The following EPM2A variants were observed in gnomAD, a reference collection of about 807,000 sequenced individuals.
EPM2A encodes the protein EPM2A glucan phosphatase, laforin, also known as laforin.
A neutral mutation model predicts 26.5 loss-of-function variants in EPM2A; 21 were observed. That is an observed-to-expected ratio of 0.79 (90% CI 0.56 to 1.14). The LOEUF (loss-of-function observed/expected upper bound fraction) is 1.14, where lower values mean the gene tolerates loss of function less well. Ranked by LOEUF, EPM2A falls within the 50% of genes most tolerant of loss-of-function variation. The probability of loss-of-function intolerance (pLI) is 0.00; values close to 1 mark genes in which losing one functional copy is unlikely to be tolerated. For synonymous variants in EPM2A, 217 were observed against 177.6 expected, an observed-to-expected ratio of 1.22 and a Z score of -1.76; for missense variants, 458 against 440.8, an observed-to-expected ratio of 1.04 and a Z score of -0.35.
chr6:145,384,062 T>C (rs759311279), exon 5 of EPM2A: 5 of 151,894 alleles, frequency 3.3e-5, no homozygotes, highest in African/African-American at 4.8e-5. Context: ...TGTATGTTTG[T>C]CTTTGTCCAT....
intron 2 of EPM2A, among the ~76,000 whole-genome samples, chr6:145,614,063 T>C (rs545899815): frequency 6.6e-5 from 10 of 152,324 alleles, no homozygotes; most frequent in African/African-American, 2.2e-4. Flanking sequence ...TGTTGTTTAG[T>C]GTACCTGCCT....
intron 4 of EPM2A, among the ~76,000 whole-genome samples, chr6:145,461,938 G>T (rs1235011065): frequency 6.6e-6 from 1 of 152,160 alleles, no homozygotes; most frequent in Non-Finnish European, 1.5e-5. Flanking sequence ...AAGGAATTGG[G>T]ACATGGTACT....
chr6:145,478,955 CT>C (rs1779578922), intron 4 of EPM2A, among the ~76,000 whole-genome samples: 2 of 151,502 alleles, frequency 1.3e-5, no homozygotes, highest in African/African-American at 4.8e-5. Context: ...TCACTATGTA[CT>C]TTTCGCTTGA....
At chr6:145,543,907 C>T (rs1002061490) in intron 2 of EPM2A, among the ~76,000 whole-genome samples, 1 of 152,160 alleles carries the variant, frequency 6.6e-6, no homozygotes, top group Non-Finnish European at 1.5e-5. Flanking sequence ...GAACATTGAA[C>T]GTGGGGAGCC....
chr6:145,660,454 C>T (rs1582990145), intron 2 of EPM2A, among the ~76,000 whole-genome samples: 1 of 152,262 alleles, frequency 6.6e-6, no homozygotes, highest in East Asian at 1.9e-4. Flanking sequence ...GACACTAAGC[C>T]TTGTTTAACT....
At chr6:145,623,376 G>GA (rs1434486074), downstream of EPM2A, among the ~76,000 whole-genome samples, 3 of 152,324 alleles carry the variant, frequency 2.0e-5, no homozygotes, top group Admixed American at 6.5e-5. Context: ...ATCACTGAAG[G>GA]AGGGAGAAGA....
intron 2 of EPM2A, among the ~76,000 whole-genome samples, chr6:145,564,390 G>T (rs1780851171): frequency 6.6e-6 from 1 of 152,156 alleles, no homozygotes; most frequent in Non-Finnish European, 1.5e-5. Flanking sequence ...TTATGAATTA[G>T]GCAGCATTCA....
At chr6:145,710,629 C>T (rs1349978456) in intron 1 of EPM2A, among the ~76,000 whole-genome samples, 2 of 151,968 alleles carry the variant, frequency 1.3e-5, no homozygotes, top group African/African-American at 2.4e-5. Flanking sequence ...GGGTATATAC[C>T]CAAAGGATTA....
intron 2 of EPM2A, among the ~76,000 whole-genome samples, chr6:145,593,244 G>C (rs1285407769): frequency 6.6e-6 from 1 of 152,082 alleles, no homozygotes; most frequent in African/African-American, 2.4e-5. Context: ...TATTCTCCAA[G>C]AAGACATGAC....
At chr6:145,704,207 T>C (rs1782089033) in intron 1 of EPM2A, among the ~76,000 whole-genome samples, 1 of 152,130 alleles carries the variant, frequency 6.6e-6, no homozygotes, top group Non-Finnish European at 1.5e-5. Flanking sequence ...AAATGAATGG[T>C]AGTGGTTTAT....
At position 145,430,704 on chromosome 6, in the gene EPM2A, T is replaced by C. The variant is rs756921807; in HGVS notation, c.556-46607A>G. On this transcript the variant is annotated intron_variant, in intron 4 of 4. Transcript: ENST00000638717. ...AAAATTTCTTGTTTATTTAATTCCATCTGTCTGATATCTGAGATTAGGTTT... is the reference window on the plus strand; with the variant it reads ...AAAATTTCTTGTTTATTTAATTCCACCTGTCTGATATCTGAGATTAGGTTT... 2.6e-5 allele frequency among the ~76,000 whole-genome samples: 4 copies of C among 152,262 alleles called. 1 individual carries two copies. The highest frequency in any genetic ancestry group is 4.1e-4 in the South Asian group (2 of 4,820).
chr6:145,676,933 G>A (rs1346314918), intron 2 of EPM2A, among the ~76,000 whole-genome samples: 1 of 152,078 alleles, frequency 6.6e-6, no homozygotes, highest in African/African-American at 2.4e-5. Flanking sequence ...ATTTTATGAG[G>A]CTAGCATCAT....
rs569557410 is a variant in EPM2A, at chr6:145,486,737, A to G, written c.555+15785T>C. Among the ~76,000 whole-genome samples, 7 of 152,264 alleles carry G rather than the reference A, an allele frequency of 4.6e-5. No homozygotes were observed. The South Asian group carries it at 1.5e-3, about 32-fold the overall frequency. On this transcript the variant is annotated intron_variant, in intron 4 of 4. Coordinates refer to the EPM2A transcript ENST00000638717. ...CTCTGTGTGTCTGATTTATTCTTCT[A>G]GATTCATCCATGTTCTGGCAAATGA... is the stretch of plus-strand genomic sequence containing the variant.
At chr6:145,493,838 G>A (rs1197118204) in intron 4 of EPM2A, among the ~76,000 whole-genome samples, 1 of 152,192 alleles carries the variant, frequency 6.6e-6, no homozygotes, top group Admixed American at 6.5e-5. Context: ...ATGAAGCCTA[G>A]CTCATCATGG....
At chr6:145,666,380 G>A (rs113307809) in intron 2 of EPM2A, among the ~76,000 whole-genome samples, 3 of 104,138 alleles carry the variant, frequency 2.9e-5, no homozygotes, top group Non-Finnish European at 5.4e-5. Flanking sequence ...CAGACAAACA[G>A]AGAGCCAAAT....
chr6:145,540,485 T>C (rs187833154), intron 2 of EPM2A, among the ~76,000 whole-genome samples: 161 of 152,250 alleles, frequency 1.1e-3, no homozygotes, highest in Non-Finnish European at 1.6e-3. Flanking sequence ...GCTAACCCAA[T>C]AACAACCTCA....
intron 2 of EPM2A, among the ~76,000 whole-genome samples, chr6:145,642,657 G>A (rs887962836): frequency 3.9e-5 from 6 of 152,174 alleles, no homozygotes; most frequent in African/African-American, 1.4e-4. Flanking sequence ...CGAGATTTTA[G>A]ATAAGACAGG....
intron 1 of EPM2A, among the ~76,000 whole-genome samples, chr6:145,717,236 G>A (rs368440047): frequency 1.3e-5 from 2 of 152,238 alleles, no homozygotes; most frequent in East Asian, 1.9e-4. Context: ...CTGGCAAACC[G>A]AATTCAGCAG....
exon 5 of EPM2A, chr6:145,383,772 T>C (rs77765344): frequency 1.3e-5 from 2 of 152,186 alleles, no homozygotes; most frequent in Non-Finnish European, 2.9e-5. Flanking sequence ...AGACACAAGA[T>C]TTCAACTTTT....
Sources: gnomAD v4.1 joint callset for allele counts (sites outside exome capture counted in the v4.1 genomes callset) on GRCh38, gnomAD v4.1.1 for gene constraint, MANE v1.5 for transcripts, NCBI Gene and HGNC (gene_info 2026-07-23, HGNC 2026-07-21) for gene names.